Variants in WDR48 observed in about 807,000 individuals in gnomAD.
The protein encoded by WDR48 is WD repeat domain 48.
A neutral mutation model predicts 94.0 loss-of-function variants in WDR48; 22 were observed. The ratio of observed to expected loss-of-function variants is 0.23; its 90% CI spans 0.17 to 0.33. The LOEUF is 0.33. Ranked by LOEUF, WDR48 falls within the 10% of genes least tolerant of loss-of-function variation. The pLI is 1.00. For synonymous variants in WDR48, 278 were observed against 280.5 expected (o/e 0.99, Z 0.09); for missense variants, 541 against 813.8 (o/e 0.66, Z 4.08).
intron 5 of WDR48, among the ~76,000 whole-genome samples, chr3:39,067,810 T>C (rs576321580): frequency 6.6e-6 from 1 of 152,372 alleles, no homozygotes; most frequent in African/African-American, 2.4e-5. Flanking sequence ...TGTTTTGCCT[T>C]GTTTTCCAGG....
Position 39,072,970 on chromosome 3 carries a change from T to A in WDR48, c.673-1756T>A, listed in dbSNP as rs115666205. Among the ~76,000 whole-genome samples the A allele has an allele frequency of 4.8e-3, 726 of 152,310 alleles. 5 individuals are homozygous for A. The highest frequency in any genetic ancestry group is 0.016 in the African/African-American group (656 of 41,568). ...GGGTTGATAAAACTGTGTTTCCTTA[T>A]CTGCTTCCAACTGTGCACCCTTAGT... is the stretch of plus-strand genomic sequence containing the variant. On this transcript the variant is annotated intron_variant, in intron 7 of 18. Coordinates refer to ENST00000302313, the MANE Select transcript of WDR48 (RefSeq NM_020839.4).
At chr3:39,088,098 G>A (rs770572515) in intron 14 of WDR48, 30 bp from the exon 15 acceptor site, 1 of 1,605,306 alleles carries the variant, frequency 6.2e-7, no homozygotes, top group South Asian at 1.1e-5. Context: ...CACTAACTCT[G>A]ATATTAACAC....
rs1478916872 is a variant in WDR48 at position 39,066,886 on chromosome 3, T to G, written c.481+11T>G. 1 of 1,604,812 alleles carries G rather than the reference T, an allele frequency of 6.2e-7. No individual in the cohort carries two copies. The highest frequency in any genetic ancestry group is 8.5e-7 in the Non-Finnish European group (1 of 1,177,150). ...ATAACACTGTCACAAGTAAGGTGTT[T>G]AAAAGAAACTTCTTTGAAAGTGATC... On this transcript the variant is annotated intron_variant, in intron 5 of 18. Transcript: ENST00000302313.
intron 1 of WDR48, among the ~76,000 whole-genome samples, chr3:39,053,000 A>G (rs982270571): frequency 6.6e-6 from 1 of 152,218 alleles, no homozygotes; most frequent in South Asian, 2.1e-4. Context: ...GTGCACATAT[A>G]TCCTAGAACT....
chr3:39,085,468 G>A, intron 13 of WDR48, 47 bp from the exon 14 acceptor site: 1 of 1,455,532 alleles, frequency 6.9e-7, no homozygotes, highest in Non-Finnish European at 9.6e-7. Context: ...TTAAAGCCAA[G>A]TAACTCGCTT....
intron 8 of WDR48, among the ~76,000 whole-genome samples, chr3:39,075,782 C>T (rs1032195860): frequency 2.0e-5 from 3 of 151,988 alleles, no homozygotes. Flanking sequence ...CAAGTTCCAC[C>T]TCCCAGGTTA....
intron 10 of WDR48, 64 bp downstream of exon 10, chr3:39,078,303 A>G: frequency 8.9e-7 from 1 of 1,125,130 alleles, no homozygotes; most frequent in South Asian, 1.4e-5. Flanking sequence ...GAGATTGACA[A>G]AAATCAAGAC....
At chr3:39,092,673 A>T (rs1473850722) in intron 17 of WDR48, among the ~76,000 whole-genome samples, 3 of 152,202 alleles carry the variant, frequency 2.0e-5, no homozygotes, top group Admixed American at 2.0e-4. Flanking sequence ...TAGTAATGGG[A>T]TGCTAAACTA....
Position 39,094,033 on chromosome 3 carries a change from A to C in WDR48, c.1905A>C (p.Ala635=). ...QEKEEDIAVL[A]EEKIELLCQD... ...AAGAAGAAGATATTGCTGTGTTGGC[A>C]GAGGAGAAAATTGAACTTTTGTGCC... The change falls in exon 18 of 19, where the codon GCA becomes GCC. Residue 635 remains alanine (A), a synonymous_variant. Coordinates refer to ENST00000302313, the MANE Select transcript of WDR48 (RefSeq NM_020839.4). The C allele has an allele frequency of 6.2e-7, 1 of 1,612,668 alleles. No homozygotes were observed. Among genetic ancestry groups the C allele is most frequent in the Non-Finnish European group, 8.5e-7 (1 of 1,179,690 alleles).
intron 11 of WDR48, 150 bp downstream of exon 11, chr3:39,079,958 A>G (rs2034433975): frequency 2.2e-6 from 1 of 461,104 alleles, no homozygotes; most frequent in Non-Finnish European, 3.8e-6. Flanking sequence ...TGAATATTAG[A>G]TAAGATCATA....
chr3:39,094,503 A>G (rs1298793820), intron 18 of WDR48, 145 bp from the exon 19 acceptor site: 3 of 1,536,928 alleles, frequency 2.0e-6, no homozygotes, highest in African/African-American at 1.4e-5. Context: ...TCCCGCATGC[A>G]TGGAAGCCGT....
intron 1 of WDR48, among the ~76,000 whole-genome samples, chr3:39,054,815 T>G (rs2032746727): frequency 6.6e-6 from 1 of 151,420 alleles, no homozygotes; most frequent in African/African-American, 2.5e-5. Flanking sequence ...CAGGGAGGCC[T>G]CAAAGAGAGA....
chr3:39,052,568 C>G (rs985264407), intron 1 of WDR48: 3 of 159,492 alleles, frequency 1.9e-5, no homozygotes, highest in African/African-American at 7.2e-5. Flanking sequence ...CTTGGGAGCC[C>G]CCAGCCCTCT....
At chr3:39,079,677 T>C (rs2034419057) in intron 10 of WDR48, 34 bp from the exon 11 acceptor site, 4 of 1,401,332 alleles carry the variant, frequency 2.9e-6, no homozygotes, top group Non-Finnish European at 3.9e-6. Context: ...TGTAGAAAGA[T>C]TGTTTTACCA....
intron 14 of WDR48, chr3:39,086,237 C>T (rs2034803931): frequency 6.6e-6 from 1 of 152,234 alleles, no homozygotes; most frequent in Non-Finnish European, 1.5e-5. Flanking sequence ...GCATTTGGCT[C>T]AGTTTGATCA....
At chr3:39,074,647 C>A in intron 7 of WDR48, 79 bp from the exon 8 acceptor site, 2 of 1,382,094 alleles carry the variant, frequency 1.4e-6, no homozygotes, top group Non-Finnish European at 2.0e-6. Context: ...ACAGTGTGGA[C>A]TCGGGAGAAG....
Position 39,078,318 on chromosome 3 carries a change from A to T in WDR48, c.1075+79A>T, listed in dbSNP as rs956001160. ...GAGATTGACAAAAATCAAGACAATG[A>T]CCTTTCTTTAAATATAATCCTGATG... On this transcript the variant is annotated intron_variant, in intron 10 of 18. Transcript: ENST00000302313. 8 of 966,164 alleles carry T rather than the reference A, an allele frequency of 8.3e-6. No individual in the cohort carries two copies. The African/African-American group carries it at 8.3e-5, about 10-fold the overall frequency. The allele number at this position is 966,164 out of a possible 1,614,324, so 59.8% of individuals were successfully genotyped here.
intron 11 of WDR48, among the ~76,000 whole-genome samples, chr3:39,083,410 T>C (rs1459377732): frequency 6.6e-6 from 1 of 152,194 alleles, no homozygotes; most frequent in Non-Finnish European, 1.5e-5. Flanking sequence ...GAGACATTCA[T>C]GGGTAGATGA....
chr3:39,074,694 C>A (rs1159815803), intron 7 of WDR48, 32 bp from the exon 8 acceptor site: 2 of 1,608,736 alleles, frequency 1.2e-6, no homozygotes, highest in East Asian at 2.2e-5. Flanking sequence ...AACTTTGTGG[C>A]AAGTTCTAAC....
Sources: allele counts gnomAD v4.1 joint callset (sites outside exome capture counted in the v4.1 genomes callset), GRCh38; gene constraint gnomAD v4.1.1; transcripts MANE v1.5; gene names NCBI Gene and HGNC (gene_info 2026-07-23, HGNC 2026-07-21).